GARNL3: variants seen among roughly 807,000 people sequenced by gnomAD.
The protein encoded by GARNL3 is GTPase-activating Rap/Ran-GAP domain-like protein 3.
Under a neutral mutation model 125.0 loss-of-function variants are expected in GARNL3, and 63 were observed. That is an observed-to-expected ratio of 0.50 (90% CI 0.41 to 0.62). The LOEUF (loss-of-function observed/expected upper bound fraction) is 0.62. Among genes scored for constraint, GARNL3 ranks in the 20% least tolerant of loss-of-function variants. GARNL3 has a pLI of 0.00. For missense variants in GARNL3, 994 were observed against 1,244.0 expected (o/e 0.80, Z 3.02); for synonymous variants, 439 against 457.5 (o/e 0.96, Z 0.52).
intron 8 of GARNL3, 42 bp downstream of exon 8, chr9:127,332,391 C>T: frequency 1.3e-6 from 2 of 1,512,354 alleles, no homozygotes; most frequent in Non-Finnish European, 1.8e-6. Context: ...GAGACCCTGT[C>T]CTGCCTTGTT....
intron 22 of GARNL3, among the ~76,000 whole-genome samples, chr9:127,370,284 G>A (rs962541836): frequency 6.6e-6 from 1 of 152,156 alleles, no homozygotes; most frequent in Non-Finnish European, 1.5e-5. Context: ...TTGATCCGAA[G>A]CTCTGGCTTT....
At chr9:127,283,827 T>C (rs2064166315) in intron 1 of GARNL3, among the ~76,000 whole-genome samples, 1 of 152,208 alleles carries the variant, frequency 6.6e-6, no homozygotes, top group South Asian at 2.1e-4. Flanking sequence ...TGTTTGTTTG[T>C]TTCCTTTTTC....
chr9:127,307,983 A>C (rs1049066605), intron 2 of GARNL3, among the ~76,000 whole-genome samples: 4 of 152,222 alleles, frequency 2.6e-5, no homozygotes, highest in Non-Finnish European at 5.9e-5. Flanking sequence ...CTGGTGGGTC[A>C]TGCCATCGCT....
At chr9:127,272,643 C>A (rs1191710664) in intron 1 of GARNL3, among the ~76,000 whole-genome samples, 1 of 152,070 alleles carries the variant, frequency 6.6e-6, no homozygotes, top group Non-Finnish European at 1.5e-5. Flanking sequence ...TCACGCCCAG[C>A]TAATTTTTGT....
At chr9:127,306,726 C>CA (rs544849770) in intron 2 of GARNL3, among the ~76,000 whole-genome samples, 19,425 of 103,616 alleles carry the variant, frequency 0.19, 1,643 homozygotes, top group East Asian at 0.27. Flanking sequence ...AATTCTGTCT[C>CA]AAAAAAAAAA....
chr9:127,300,852 C>A, intron 2 of GARNL3: 1 of 336,474 alleles, frequency 3.0e-6, no homozygotes, highest in East Asian at 1.0e-4. Flanking sequence ...CATGTATTTA[C>A]AGTAGCCTGT....
chr9:127,371,052 A>T (rs1329049122), intron 22 of GARNL3, among the ~76,000 whole-genome samples: 1 of 152,218 alleles, frequency 6.6e-6, no homozygotes, highest in Non-Finnish European at 1.5e-5. Flanking sequence ...GTGCAAGGGC[A>T]GCACCTTCCA....
At position 127,342,308 on chromosome 9, in the gene GARNL3, C is replaced by T; in HGVS notation, c.1225C>T (p.Gln409Ter). The change falls in exon 14 of 28, where the codon CAG (glutamine) becomes TAG (stop). Residue 409 changes from glutamine to a stop codon, truncating the protein, a stop_gained. Transcript: ENST00000373387. LOFTEE classifies it high-confidence loss of function. ...TLDMLIRSLH[Q>*]DLMPDLHKNM... Reference sequence around the variant, plus strand: ...GGATATGTTGATTAGATCTTTACACCAGGATTTGATGCCAGATTTGCATAA... The same window carrying T: ...GGATATGTTGATTAGATCTTTACACTAGGATTTGATGCCAGATTTGCATAA... 6.2e-7 allele frequency: 1 copy of T among 1,611,934 alleles called. No homozygotes were observed. Among genetic ancestry groups the T allele is most frequent in the Non-Finnish European group, 8.5e-7 (1 of 1,178,084 alleles).
At chr9:127,333,708 CAT>C (rs1829393682) in intron 9 of GARNL3, among the ~76,000 whole-genome samples, 1 of 152,022 alleles carries the variant, frequency 6.6e-6, no homozygotes, top group Admixed American at 6.6e-5. Flanking sequence ...CAGAAAAGAA[CAT>C]GTTGTGTTCT....
In GARNL3 at chr9:127,230,730, G is replaced by A. The variant is rs4481716; in HGVS notation, c.-29+6392G>A. 9.2e-3 allele frequency among the ~76,000 whole-genome samples: 1,379 copies of A among 150,518 alleles called. 31 individuals carry two copies. The highest frequency in any genetic ancestry group is 0.031 in the African/African-American group (1,285 of 41,020). ...CCTCCCCTTGCCTGATTGAAACTTC[G>A]GCTTTGTCTATTCAGTTTTTCCTCC... On this transcript the variant is annotated intron_variant, in intron 1 of 10. Coordinates refer to the GARNL3 transcript ENST00000439286.
chr9:127,287,233 G>A, intron 1 of GARNL3, among the ~76,000 whole-genome samples: 1 of 152,158 alleles, frequency 6.6e-6, no homozygotes, highest in South Asian at 2.1e-4. Flanking sequence ...GGCAGCTGGA[G>A]CTCTGTACCA....
intron 7 of GARNL3, among the ~76,000 whole-genome samples, chr9:127,325,484 T>C (rs2065541267): frequency 6.6e-6 from 1 of 152,146 alleles, no homozygotes; most frequent in African/African-American, 2.4e-5. Context: ...CCATTAAAAA[T>C]ATAAATATAT....
Position 127,344,141 on chromosome 9 carries a change from A to G in GARNL3, c.1252-94A>G, listed in dbSNP as rs1830012573. On this transcript the variant is annotated intron_variant, in intron 14 of 27. Coordinates refer to ENST00000373387, the MANE Select transcript of GARNL3 (RefSeq NM_032293.5). ...GAATGAAACAGAAGGTAGAAATAGG[A>G]CCATTTGGATAAATAGTTTTGTGCA... The G allele has an allele frequency of 3.7e-6, 3 of 820,982 alleles. No homozygotes were observed. In the Admixed American group the frequency reaches 6.6e-5, roughly 18 times the overall value. The allele number at this position is 820,982 out of a possible 1,614,324, so 50.9% of individuals were successfully genotyped here.
intron 1 of GARNL3, among the ~76,000 whole-genome samples, chr9:127,281,290 G>A (rs970382485): frequency 3.9e-5 from 6 of 152,180 alleles, no homozygotes; most frequent in African/African-American, 4.8e-5. Flanking sequence ...GGAGGTATTC[G>A]ATTTGAAAAG....
In GARNL3 at chr9:127,385,106, C is replaced by T. The variant is rs778187776; in HGVS notation, c.2349C>T (p.His783=). 3 of 1,611,492 alleles carry T rather than the reference C, an allele frequency of 1.9e-6. No individual in the cohort carries two copies. Among genetic ancestry groups the T allele is most frequent in the African/African-American group, 2.7e-5 (2 of 74,882 alleles). ...TGGTGGTGAACGGGAACCTGGTCCA[C>T]ACTGCAGTCGTGCCGCAGCTGCAGC... ...IRLVVNGNLV[H]TAVVPQLQLV... is the part of the protein sequence containing the mutation. Residue 783 remains histidine, a synonymous_variant, in exon 24 of 28, where the codon CAC becomes CAT. Coordinates refer to ENST00000373387, the MANE Select transcript of GARNL3 (RefSeq NM_032293.5). The surrounding 1 kb of genome is among the most constrained non-coding windows in gnomAD (Gnocchi z 4.1).
chr9:127,287,816 G>A (rs1053788140), intron 1 of GARNL3, among the ~76,000 whole-genome samples: 1 of 152,226 alleles, frequency 6.6e-6, no homozygotes, highest in African/African-American at 2.4e-5. Context: ...CGGTTATCTG[G>A]CCTGCCCTTC....
At chr9:127,254,576 C>T (rs2063463142) in intron 2 of GARNL3, among the ~76,000 whole-genome samples, 2 of 152,080 alleles carry the variant, frequency 1.3e-5, no homozygotes, top group African/African-American at 4.8e-5. Flanking sequence ...TGAGACCAGC[C>T]TGGCCAACAT....
At position 127,348,974 on chromosome 9, in the gene GARNL3, T is replaced by C. The variant is rs1172813313; in HGVS notation, c.1482T>C (p.Cys494=). The change falls in exon 17 of 28, where the codon TGT becomes TGC. Residue 494 remains cysteine (C), a synonymous_variant. Transcript: ENST00000373387. The stretch of plus-strand genomic sequence containing the variant: ...GTAATTTCCCTCATGAAGCCGTGTG[T>C]GCAGATCCCTGGGGCCAGGCCTTGC... ...FCSNFPHEAV[C]ADPWGQALLV... is the part of the protein sequence containing the mutation. 2.5e-6 allele frequency: 4 copies of C among 1,614,110 alleles called. No homozygotes were observed. The highest frequency in any genetic ancestry group is 3.4e-6 in the Non-Finnish European group (4 of 1,180,012).
In GARNL3 at chr9:127,388,894, C is replaced by G. The variant is rs1437506400; in HGVS notation, c.2528-10C>G. On this transcript the variant is annotated splice_polypyrimidine_tract_variant and intron_variant, in intron 25 of 27. Coordinates refer to ENST00000373387, the MANE Select transcript of GARNL3 (RefSeq NM_032293.5). ...AAAGTTCTGATGTTCTTTTTGAAAT[C>G]ACATTTCAGGTGAAATTCAATCAAA... 6.6e-7 allele frequency: 1 copy of G among 1,509,872 alleles called. No homozygotes were observed. The highest frequency in any genetic ancestry group is 1.7e-5 in the Admixed American group (1 of 59,790). The allele number at this position is 1,509,872 out of a possible 1,614,324, so 93.5% of individuals were successfully genotyped here.
Sources: allele counts gnomAD v4.1 joint callset (sites outside exome capture counted in the v4.1 genomes callset), GRCh38; gene constraint gnomAD v4.1.1; non-coding constraint Gnocchi (gnomAD v3.1); transcripts MANE v1.5; gene names NCBI Gene and HGNC (gene_info 2026-07-23, HGNC 2026-07-21).